DSCAM: variants seen among roughly 807,000 people sequenced by gnomAD.
DSCAM encodes the protein cell adhesion molecule DSCAM.
In DSCAM, 47 loss-of-function variants were observed where a neutral mutation model predicts 217.7. The ratio of observed to expected loss-of-function variants is 0.22; its 90% CI spans 0.17 to 0.28. DSCAM has a LOEUF of 0.28. Among genes scored for constraint, DSCAM ranks in the 10% least tolerant of loss-of-function variants. DSCAM has a pLI of 1.00. For missense variants in DSCAM, 2,080 were observed against 2,618.3 expected (o/e 0.79, Z 4.49); for synonymous variants, 1,056 against 1,015.3 (o/e 1.04, Z -0.76).
intron 3 of DSCAM, among the ~76,000 whole-genome samples, chr21:40,556,763 G>A (rs2076675245): frequency 6.6e-6 from 1 of 152,070 alleles, no homozygotes; most frequent in Non-Finnish European, 1.5e-5. Flanking sequence ...TATTTATGAT[G>A]GATCCACCCC....
intron 28 of DSCAM, among the ~76,000 whole-genome samples, chr21:40,056,069 T>A (rs924965643): frequency 6.6e-6 from 1 of 152,246 alleles, no homozygotes; most frequent in Non-Finnish European, 1.5e-5. Flanking sequence ...AAATTGTCAA[T>A]AGAGATTGGC....
chr21:40,619,785 G>C (rs1054520495), intron 3 of DSCAM, among the ~76,000 whole-genome samples: 3 of 150,986 alleles, frequency 2.0e-5, no homozygotes, highest in Non-Finnish European at 4.4e-5. Flanking sequence ...TTTTGAAAGA[G>C]AGCCCAGTCA....
intron 3 of DSCAM, among the ~76,000 whole-genome samples, chr21:40,636,940 G>T (rs2089769070): frequency 6.7e-6 from 1 of 149,574 alleles, no homozygotes; most frequent in African/African-American, 2.5e-5. Context: ...GCCCAGCTTT[G>T]TCATCTCAGC....
chr21:40,022,289 A>G (rs1488908987), intron 32 of DSCAM, among the ~76,000 whole-genome samples: 1 of 152,198 alleles, frequency 6.6e-6, no homozygotes, highest in African/African-American at 2.4e-5. Context: ...CCTATTGGTC[A>G]GAGGCCAGGG....
chr21:40,249,149 T>C (rs2073268170), intron 11 of DSCAM, among the ~76,000 whole-genome samples: 2 of 152,184 alleles, frequency 1.3e-5, no homozygotes, highest in Non-Finnish European at 2.9e-5. Flanking sequence ...AGTTTTGTCA[T>C]CTGAAGCAGG....
At chr21:40,094,182 C>T (rs1422136881) in intron 20 of DSCAM, among the ~76,000 whole-genome samples, 1 of 152,092 alleles carries the variant, frequency 6.6e-6, no homozygotes, top group Non-Finnish European at 1.5e-5. Context: ...CCACCTGAAA[C>T]AACTGAGGAA....
chr21:40,073,300 G>A (rs750819295), intron 27 of DSCAM, among the ~76,000 whole-genome samples: 5 of 152,206 alleles, frequency 3.3e-5, no homozygotes, highest in Non-Finnish European at 5.9e-5. Context: ...TAACTCTTGT[G>A]ATTAAATCAA....
At chr21:40,171,844 G>T (rs1207332613) in intron 15 of DSCAM, among the ~76,000 whole-genome samples, 2 of 152,034 alleles carry the variant, frequency 1.3e-5, no homozygotes, top group East Asian at 1.9e-4. Flanking sequence ...TGCCAATGAT[G>T]CCTATAAAAT....
chr21:40,425,418 G>A (rs967991322), intron 3 of DSCAM, among the ~76,000 whole-genome samples: 3 of 151,994 alleles, frequency 2.0e-5, no homozygotes, highest in Admixed American at 2.0e-4. Context: ...ACGAGTTAAC[G>A]GGTGCAGCAC....
At chr21:40,574,799 C>T (rs971122821) in intron 3 of DSCAM, among the ~76,000 whole-genome samples, 1 of 151,064 alleles carries the variant, frequency 6.6e-6, no homozygotes, top group Non-Finnish European at 1.5e-5. Flanking sequence ...CCTCCACTTC[C>T]TGGGTTCAAG....
At chr21:40,157,104 C>T (rs1334870931) in intron 16 of DSCAM, among the ~76,000 whole-genome samples, 3 of 152,104 alleles carry the variant, frequency 2.0e-5, no homozygotes, top group Non-Finnish European at 4.4e-5. Context: ...TGAAAAAAAT[C>T]AAAAGAGGAA....
At position 40,632,864 on chromosome 21, in the gene DSCAM, G is replaced by A. The variant is rs2089710997; in HGVS notation, c.508+59946C>T. On this transcript the variant is annotated intron_variant, in intron 3 of 32. Coordinates refer to ENST00000400454, the MANE Select transcript of DSCAM (RefSeq NM_001389.5). Reference sequence around the variant, plus strand: ...GTGCGAATCCCTTCAAGAGGCTGTGGGTTCCCTTTGCACACTATGACACCA... The same window carrying A: ...GTGCGAATCCCTTCAAGAGGCTGTGAGTTCCCTTTGCACACTATGACACCA... Among the ~76,000 whole-genome samples, 3 of 152,208 alleles carry A rather than the reference G, an allele frequency of 2.0e-5. No homozygotes were observed. In the South Asian group the frequency reaches 6.2e-4, roughly 32 times the overall value.
chr21:40,567,593 GC>G (rs1174689465), intron 3 of DSCAM, among the ~76,000 whole-genome samples: 2 of 152,134 alleles, frequency 1.3e-5, no homozygotes, highest in African/African-American at 2.4e-5. Flanking sequence ...TTATCCATAC[GC>G]CCCAAATGCC....
chr21:40,412,961 G>A (rs917011665), intron 3 of DSCAM, among the ~76,000 whole-genome samples: 2 of 152,218 alleles, frequency 1.3e-5, no homozygotes, highest in Admixed American at 1.3e-4. Context: ...TGGCTGAAAG[G>A]GACCAACATA....
intron 3 of DSCAM, among the ~76,000 whole-genome samples, chr21:40,517,322 C>T (rs912076471): frequency 7.4e-5 from 11 of 149,388 alleles, no homozygotes; most frequent in African/African-American, 2.7e-4. Context: ...ACATATTCAC[C>T]TTATATACTC....
At chr21:40,724,926 G>A (rs1390047150) in intron 1 of DSCAM, among the ~76,000 whole-genome samples, 1 of 152,138 alleles carries the variant, frequency 6.6e-6, no homozygotes, top group Non-Finnish European at 1.5e-5. Flanking sequence ...CTTTCTTCAT[G>A]TAACGCACAG....
At chr21:40,407,349 T>C (rs2075287891) in intron 3 of DSCAM, among the ~76,000 whole-genome samples, 1 of 152,238 alleles carries the variant, frequency 6.6e-6, no homozygotes, top group Non-Finnish European at 1.5e-5. Flanking sequence ...GTCCTCTCCA[T>C]GTCAACAACC....
chr21:40,154,034 T>C (rs983631122), intron 16 of DSCAM, among the ~76,000 whole-genome samples: 2 of 152,080 alleles, frequency 1.3e-5, no homozygotes, highest in Non-Finnish European at 2.9e-5. Context: ...TTACAATAGG[T>C]ATAGGGGTGG....
rs77196792 is a variant in DSCAM at position 40,062,042 on chromosome 21, C to T, written c.4919+827G>A. 4.5e-3 allele frequency among the ~76,000 whole-genome samples: 690 copies of T among 152,250 alleles called. 5 individuals carry two copies. The highest frequency in any genetic ancestry group is 0.015 in the African/African-American group (642 of 41,548). On this transcript the variant is annotated intron_variant, in intron 28 of 32. Transcript: ENST00000400454. ...TAACACATCAGGCAATTAATCCATA[C>T]GTGTAAATGCTTCATATCAGAGTGT...
Sources: gnomAD v4.1 joint callset for allele counts (sites outside exome capture counted in the v4.1 genomes callset) on GRCh38, gnomAD v4.1.1 for gene constraint, MANE v1.5 for transcripts, NCBI Gene and HGNC (gene_info 2026-07-23, HGNC 2026-07-21) for gene names.